Variants in SMG7 observed in about 807,000 individuals in gnomAD.
The protein encoded by SMG7 is nonsense-mediated mRNA decay factor SMG7.
In SMG7, 34 loss-of-function variants were observed where a neutral mutation model predicts 148.2. That is an observed-to-expected ratio of 0.23 (90% CI 0.17 to 0.31). The LOEUF (loss-of-function observed/expected upper bound fraction) is 0.31, where lower values mean the gene tolerates loss of function less well. Among genes scored for constraint, SMG7 ranks in the 10% least tolerant of loss-of-function variants. The pLI is 1.00. For missense variants in SMG7, 1,114 were observed against 1,408.4 expected, an observed-to-expected ratio of 0.79 and a Z score of 3.35; for synonymous variants, 492 against 515.1, an observed-to-expected ratio of 0.96 and a Z score of 0.61.
chr1:183,536,577 A>G (rs531636570), intron 10 of SMG7, among the ~76,000 whole-genome samples: 12 of 152,318 alleles, frequency 7.9e-5, no homozygotes, highest in East Asian at 3.9e-4. Context: ...TGGAAAGAAT[A>G]TGTTCTAATA....
intron 1 of SMG7, among the ~76,000 whole-genome samples, chr1:183,483,129 A>G (rs1193820704): frequency 6.6e-6 from 1 of 152,128 alleles, no homozygotes; most frequent in East Asian, 1.9e-4. Context: ...ATGATTCTGA[A>G]AGTCTGTTAT....
chr1:183,510,578 A>G (rs1661898288), intron 1 of SMG7, among the ~76,000 whole-genome samples: 1 of 152,160 alleles, frequency 6.6e-6, no homozygotes, highest in African/African-American at 2.4e-5. Context: ...CCTTAGCACT[A>G]CATTGAGATT....
At chr1:183,548,601 TGTC>T (rs1670376363) in intron 18 of SMG7, among the ~76,000 whole-genome samples, 1 of 152,192 alleles carries the variant, frequency 6.6e-6, no homozygotes, top group Non-Finnish European at 1.5e-5. Flanking sequence ...GTGCTTCTCT[TGTC>T]GTAGGTATTT....
rs193282152 is a variant in SMG7 at position 183,502,213 on chromosome 1, T to C, written c.30-10624T>C. ...TTTTCTTCATAGGGGTTCTCTGTTA[T>C]TGTGGGTTAACTCATATTTTCCTCC... On this transcript the variant is annotated intron_variant, in intron 1 of 22. Transcript: ENST00000688051. 6 of 1,328,376 alleles carry C rather than the reference T, an allele frequency of 4.5e-6. No individual in the cohort carries two copies. In the East Asian group the frequency reaches 1.3e-4, roughly 29 times the overall value. 82.3% of individuals were successfully genotyped at this position (1,328,376 alleles called of 1,614,324 possible). A position where few individuals can be genotyped will look rare whatever the true frequency, so the allele number is the denominator to read the frequency against.
intron 10 of SMG7, among the ~76,000 whole-genome samples, chr1:183,534,877 G>A (rs950577052): frequency 2.6e-5 from 4 of 151,580 alleles, no homozygotes; most frequent in African/African-American, 9.7e-5. Context: ...CTTATGGTCT[G>A]TCTGCTTCAT....
In SMG7 at chr1:183,529,476, G is replaced by A; in HGVS notation, c.786G>A (p.Leu262=). 2 of 1,613,192 alleles carry A rather than the reference G, an allele frequency of 1.2e-6. No individual in the cohort carries two copies. Among genetic ancestry groups the A allele is most frequent in the Non-Finnish European group, 1.7e-6 (2 of 1,179,304 alleles). The change falls in exon 8 of 23, where the codon CTG becomes CTA. Residue 262 remains leucine, a synonymous_variant. Coordinates refer to ENST00000688051, the MANE Select transcript of SMG7 (RefSeq NM_001375584.1). ...TTAAATTCCACGGTCATGTGTACCT[G>A]AGTAAGAGCTTGGAAAAGTTGAGCC... is the stretch of plus-strand genomic sequence containing the variant. The part of the protein sequence containing the change: ...AFIKFHGHVY[L]SKSLEKLSPL...
intron 1 of SMG7, among the ~76,000 whole-genome samples, chr1:183,477,771 T>C (rs1333775493): frequency 2.6e-5 from 4 of 151,896 alleles, no homozygotes; most frequent in South Asian, 2.1e-4. Context: ...CATATATACA[T>C]GTGTGTATGT....
intron 1 of SMG7, among the ~76,000 whole-genome samples, chr1:183,506,674 A>C (rs1194883744): frequency 2.0e-5 from 3 of 151,016 alleles, no homozygotes; most frequent in Non-Finnish European, 3.0e-5. Context: ...AAAACACGAA[A>C]AAACTCCCAG....
intron 16 of SMG7, 126 bp downstream of exon 16, chr1:183,545,438 A>C (rs1252324076): frequency 9.1e-7 from 1 of 1,097,436 alleles, no homozygotes. Flanking sequence ...ATTATGGGAA[A>C]ACAAAAGTAT....
chr1:183,479,008 A>C (rs957685254), intron 1 of SMG7, among the ~76,000 whole-genome samples: 1 of 152,158 alleles, frequency 6.6e-6, no homozygotes, highest in Non-Finnish European at 1.5e-5. Context: ...ATTTACAAGG[A>C]AATATAAGAG....
At chr1:183,487,293 T>A (rs944495646) in intron 1 of SMG7, among the ~76,000 whole-genome samples, 1 of 152,058 alleles carries the variant, frequency 6.6e-6, no homozygotes, top group African/African-American at 2.4e-5. Flanking sequence ...AAGCCAGTAG[T>A]CACATTACTC....
chr1:183,550,938 A>G lies in SMG7; in HGVS notation c.3304+17A>G, dbSNP rs183959614. On this transcript the variant is annotated intron_variant, in intron 21 of 22. Transcript: ENST00000688051. The stretch of plus-strand genomic sequence containing the variant: ...ATAAGCCAGGTGAGATCTACATTTC[A>G]TTGCCAGGCAAAATTGAAAGAATTT... 19 of 1,613,812 alleles carry G rather than the reference A, an allele frequency of 1.2e-5. No homozygotes were observed. In the African/African-American group the frequency reaches 2.3e-4, roughly 19 times the overall value.
At chr1:183,476,937 C>A (rs954680062) in intron 1 of SMG7, among the ~76,000 whole-genome samples, 103 of 151,914 alleles carry the variant, frequency 6.8e-4, no homozygotes, top group Non-Finnish European at 1.4e-3. Flanking sequence ...GAATACAATT[C>A]ATTTGATGGG....
chr1:183,481,690 T>C (rs999243922), intron 1 of SMG7, among the ~76,000 whole-genome samples: 6 of 152,184 alleles, frequency 3.9e-5, no homozygotes, highest in African/African-American at 1.4e-4. Context: ...GGCACAAATA[T>C]TTCAATATAA....
At chr1:183,477,073 A>G (rs927664181) in intron 1 of SMG7, among the ~76,000 whole-genome samples, 3 of 152,206 alleles carry the variant, frequency 2.0e-5, no homozygotes, top group Non-Finnish European at 4.4e-5. Context: ...TGGGGGAAGT[A>G]TTAAAGTACC....
intron 4 of SMG7, among the ~76,000 whole-genome samples, chr1:183,522,592 A>G (rs143660807): frequency 3.3e-5 from 5 of 152,090 alleles, no homozygotes; most frequent in Non-Finnish European, 7.4e-5. Context: ...AAGTGACCAT[A>G]TAACTTGTGG....
At chr1:183,474,014 T>C in intron 1 of SMG7, 1 of 332,114 alleles carries the variant, frequency 3.0e-6, no homozygotes, top group Non-Finnish European at 4.3e-6. Context: ...GCTTGAATGC[T>C]TGATTTTAAC....
chr1:183,488,282 G>A (rs1656002427), intron 1 of SMG7, among the ~76,000 whole-genome samples: 3 of 152,012 alleles, frequency 2.0e-5, no homozygotes, highest in Admixed American at 6.5e-5. Flanking sequence ...TGGTATTGAT[G>A]TATAACTGTG....
chr1:183,545,817 G>A (rs1019004422), intron 16 of SMG7, 149 bp from the exon 17 acceptor site: 7 of 829,198 alleles, frequency 8.4e-6, no homozygotes, highest in Middle Eastern at 3.1e-4. Context: ...TCTGAGTATT[G>A]AATAGCCCAA....
Sources: allele counts gnomAD v4.1 joint callset (sites outside exome capture counted in the v4.1 genomes callset), GRCh38; gene constraint gnomAD v4.1.1; transcripts MANE v1.5; gene names NCBI Gene and HGNC (gene_info 2026-07-23, HGNC 2026-07-21).